EIPR1: variants seen among roughly 807,000 people sequenced by gnomAD.
The protein encoded by EIPR1 is EARP complex and GARP complex interacting protein 1.
In EIPR1, 25 loss-of-function variants were observed where a neutral mutation model predicts 48.1. That is an observed-to-expected ratio of 0.52 (90% CI 0.38 to 0.73). EIPR1 has a LOEUF of 0.73. Ranked by LOEUF, EIPR1 falls within the 30% of genes least tolerant of loss-of-function variation. EIPR1 has a pLI of 0.00. For synonymous variants in EIPR1, 204 were observed against 201.9 expected (o/e 1.01, Z -0.09); for missense variants, 415 against 506.2 (o/e 0.82, Z 1.73).
chr2:3,234,305 A>G (rs1479797006), intron 4 of EIPR1, among the ~76,000 whole-genome samples: 1 of 152,238 alleles, frequency 6.6e-6, no homozygotes, highest in African/African-American at 2.4e-5. Context: ...GAAACTGAAA[A>G]GCCAACTTTT....
chr2:3,319,855 CA>C, intron 3 of EIPR1: 2 of 117,088 alleles, frequency 1.7e-5, no homozygotes, highest in African/African-American at 7.6e-5. Flanking sequence ...TGGGCAACAC[CA>C]CCCCTGCGGG....
Position 3,189,226 on chromosome 2 carries a change from G to T in EIPR1, c.*108C>A. The T allele has an allele frequency of 8.2e-7, 1 of 1,222,548 alleles. No homozygotes were observed. Among genetic ancestry groups the T allele is most frequent in the Non-Finnish European group, 1.1e-6 (1 of 910,028 alleles). The allele number at this position is 1,222,548 out of a possible 1,614,324, so 75.7% of individuals were successfully genotyped here. Reference sequence around the variant, plus strand: ...CAGGAAGGGAACAGCGGCTCTCCCAGAGAGGGATCCACCTGGAACACGAGT... The same window carrying T: ...CAGGAAGGGAACAGCGGCTCTCCCATAGAGGGATCCACCTGGAACACGAGT... On this transcript the variant is annotated 3_prime_UTR_variant, in exon 9 of 9. Coordinates refer to ENST00000382125, the MANE Select transcript of EIPR1 (RefSeq NM_003310.5). The surrounding 1 kb of genome is among the most constrained non-coding windows in gnomAD (Gnocchi z 4.6).
chr2:3,189,550 CG>C lies in EIPR1; in HGVS notation c.990-43del. On this transcript the variant is annotated intron_variant, in intron 8 of 8. Coordinates refer to ENST00000382125, the MANE Select transcript of EIPR1 (RefSeq NM_003310.5). The surrounding 1 kb of genome is among the most constrained non-coding windows in gnomAD (Gnocchi z 4.6). ...GCAGACGTGAGCGCAGCAGCTCCGG[CG>C]GGGCGGGCAGGAGAGGGGCAGGGAG... 1 of 1,488,042 alleles carries C rather than the reference CG, an allele frequency of 6.7e-7. No individual in the cohort carries two copies. Among genetic ancestry groups the C allele is most frequent in the Non-Finnish European group, 9.1e-7 (1 of 1,102,984 alleles). 92.2% of individuals were successfully genotyped at this position (1,488,042 alleles called of 1,614,324 possible).
At chr2:3,284,409 A>G (rs1668114545) in intron 3 of EIPR1, among the ~76,000 whole-genome samples, 1 of 116,234 alleles carries the variant, frequency 8.6e-6, no homozygotes, top group East Asian at 2.4e-4. Context: ...AGCTGGGCAC[A>G]TGGAGATGGG....
chr2:3,324,606 G>C (rs1055405183), intron 3 of EIPR1, among the ~76,000 whole-genome samples: 1 of 152,242 alleles, frequency 6.6e-6, no homozygotes, highest in Non-Finnish European at 1.5e-5. Context: ...TCTGAAAGCC[G>C]ACCCTGCCCA....
At chr2:3,219,488 G>GCCC (rs963850513) in intron 4 of EIPR1, among the ~76,000 whole-genome samples, 4 of 147,496 alleles carry the variant, frequency 2.7e-5, no homozygotes, top group African/African-American at 1.0e-4. Flanking sequence ...ACCCAATACA[G>GCCC]CCCTGATATG....
At chr2:3,354,656 A>C (rs373798958) in intron 1 of EIPR1, 23 bp from the exon 2 acceptor site, 4 of 1,605,764 alleles carry the variant, frequency 2.5e-6, no homozygotes, top group Non-Finnish European at 3.4e-6. Context: ...AGAAAAACAC[A>C]TGCACATTTA....
At chr2:3,233,578 A>T (rs1435363090) in intron 4 of EIPR1, among the ~76,000 whole-genome samples, 2 of 152,144 alleles carry the variant, frequency 1.3e-5, no homozygotes, top group Non-Finnish European at 2.9e-5. Context: ...CCCCAAGCCA[A>T]CCTCACAGGG....
intron 1 of EIPR1, among the ~76,000 whole-genome samples, chr2:3,365,444 C>T (rs976623323): frequency 1.3e-5 from 2 of 151,930 alleles, no homozygotes; most frequent in Non-Finnish European, 2.9e-5. Flanking sequence ...TGCACTACAG[C>T]CTGGTCAACA....
chr2:3,316,239 A>T (rs56101927), intron 3 of EIPR1, among the ~76,000 whole-genome samples: 1 of 145,030 alleles, frequency 6.9e-6, no homozygotes, highest in African/African-American at 2.6e-5. Context: ...CACCATTATC[A>T]TCATCACCAC....
At position 3,208,398 on chromosome 2, in the gene EIPR1, C is replaced by T. The variant is rs1665307243; in HGVS notation, c.516+5751G>A. On this transcript the variant is annotated intron_variant, in intron 5 of 8. Transcript: ENST00000382125. ...GGGCATCAGACCTGACCCACAGCCC[C>T]AGATCTGGCACTCAGACCACGTCAC... 3 of 1,428,548 alleles carry T rather than the reference C, an allele frequency of 2.1e-6. No individual in the cohort carries two copies. The Admixed American group carries it at 7.5e-5, about 36-fold the overall frequency. 88.5% of individuals were successfully genotyped at this position (1,428,548 alleles called of 1,614,324 possible). A position where few individuals can be genotyped will look rare whatever the true frequency, so the allele number is the denominator to read the frequency against.
intron 2 of EIPR1, among the ~76,000 whole-genome samples, chr2:3,342,020 G>C (rs769330498): frequency 3.3e-5 from 5 of 152,102 alleles, no homozygotes; most frequent in African/African-American, 7.2e-5. Flanking sequence ...TTCTATGATA[G>C]AATTGATCCG....
At chr2:3,213,313 AACC>A (rs1387592544) in intron 5 of EIPR1, among the ~76,000 whole-genome samples, 1 of 152,210 alleles carries the variant, frequency 6.6e-6, no homozygotes, top group East Asian at 1.9e-4. Flanking sequence ...TGCATGTAAA[AACC>A]ACATTTTAAA....
rs1226437439 is a variant in EIPR1 at position 3,240,730 on chromosome 2, C to T, written c.416+16569G>A. Among the ~76,000 whole-genome samples the T allele has an allele frequency of 1.3e-3, 190 of 146,994 alleles. 2 individuals carry two copies. Among genetic ancestry groups the T allele is most frequent in the African/African-American group, 4.3e-3 (171 of 39,636 alleles). ...CAGATCCCTCCTAAAGCAAAGCCAG[C>T]AGATCCCTCCTAAAGCAAAGCCAGT... On this transcript the variant is annotated intron_variant, in intron 4 of 8. Transcript: ENST00000382125.
chr2:3,341,219 C>T (rs1449897544), intron 2 of EIPR1, among the ~76,000 whole-genome samples: 1 of 150,976 alleles, frequency 6.6e-6, no homozygotes, highest in East Asian at 2.0e-4. Flanking sequence ...CACGCACAGA[C>T]AATGCTGAGT....
intron 4 of EIPR1, among the ~76,000 whole-genome samples, chr2:3,256,663 C>A (rs1383475887): frequency 6.6e-6 from 1 of 152,206 alleles, no homozygotes; most frequent in Non-Finnish European, 1.5e-5. Flanking sequence ...CAGTATGCCC[C>A]CGCAATCTCC....
Position 3,286,717 on chromosome 2 carries a change from C to T in EIPR1, c.260-29262G>A, listed in dbSNP as rs1012761468. ...CCCCAGAGGAACAAGCCAGCCCCTG[C>T]GTCCCCACGTGCTGAGTCCATCCTC... On this transcript the variant is annotated intron_variant, in intron 3 of 8. Transcript: ENST00000382125. The surrounding 1 kb of genome is among the most constrained non-coding windows in gnomAD (Gnocchi z 4.2). Among the ~76,000 whole-genome samples the T allele has an allele frequency of 3.9e-5, 6 of 152,272 alleles. No homozygotes were observed. Among genetic ancestry groups the T allele is most frequent in the African/African-American group, 1.4e-4 (6 of 41,478 alleles).
intron 3 of EIPR1, among the ~76,000 whole-genome samples, chr2:3,305,256 A>ACAGTTCAGCCCTCCACTCCCGTC: frequency 3.2e-5 from 1 of 31,324 alleles, no homozygotes; most frequent in South Asian, 1.1e-3. Context: ...CCACTCCCGT[A>ACAGTTCAGCCCTCCACTCCCGTC]CAGTTCAGCC....
intron 3 of EIPR1, among the ~76,000 whole-genome samples, chr2:3,258,857 A>C (rs563201286): frequency 1.8e-4 from 27 of 152,352 alleles, no homozygotes; most frequent in African/African-American, 6.3e-4. Flanking sequence ...ATATTCATAT[A>C]ATGTTCACAC....
Sources: gnomAD v4.1 joint callset for allele counts (sites outside exome capture counted in the v4.1 genomes callset) on GRCh38, gnomAD v4.1.1 for gene constraint, Gnocchi (gnomAD v3.1) non-coding constraint, MANE v1.5 for transcripts, NCBI Gene and HGNC (gene_info 2026-07-23, HGNC 2026-07-21) for gene names.